SGCD: variants seen among roughly 807,000 people sequenced by gnomAD.
SGCD encodes the protein delta-sarcoglycan.
SGCD carries 18 observed loss-of-function variants against 36.6 expected under a neutral mutation model. The observed-to-expected ratio is 0.49, with a 90% confidence interval of 0.34 to 0.73. The LOEUF (loss-of-function observed/expected upper bound fraction) is 0.73, where lower values mean the gene tolerates loss of function less well. Among genes scored for constraint, SGCD ranks in the 30% least tolerant of loss-of-function variants. SGCD has a pLI of 0.01. For synonymous variants in SGCD, 133 were observed against 130.6 expected, an observed-to-expected ratio of 1.02 and a Z score of -0.12; for missense variants, 387 against 346.7, an observed-to-expected ratio of 1.12 and a Z score of -0.92.
chr5:156,592,198 A>G (rs987926145), intron 5 of SGCD, among the ~76,000 whole-genome samples: 1 of 152,004 alleles, frequency 6.6e-6, no homozygotes, highest in East Asian at 1.9e-4. Flanking sequence ...GAGAAGTCCA[A>G]GCATGTGTGT....
rs749556271 is a variant in SGCD, at chr5:156,582,821, GCA to G, written c.295-6391_295-6390del. On this transcript the variant is annotated intron_variant, in intron 4 of 8. Coordinates refer to ENST00000337851, the MANE Select transcript of SGCD (RefSeq NM_000337.6). ...TGCATGCATGCACGCATGTGCACGC[GCA>G]CACACACACACACACACAAACACAC... is the stretch of plus-strand genomic sequence containing the variant. 8.6e-3 allele frequency among the ~76,000 whole-genome samples: 1,292 copies of G among 150,462 alleles called. 22 individuals are homozygous for G. Among genetic ancestry groups the G allele is most frequent in the African/African-American group, 0.028 (1,171 of 41,216 alleles).
chr5:156,691,147 C>A (rs1353529745), intron 7 of SGCD, among the ~76,000 whole-genome samples: 1 of 141,088 alleles, frequency 7.1e-6, no homozygotes, highest in Non-Finnish European at 1.5e-5. Flanking sequence ...GTGGAGGTTG[C>A]AGTGAGCCGA....
the SGCD span, among the ~76,000 whole-genome samples, chr5:155,781,628 A>T: frequency 2.0e-5 from 3 of 151,746 alleles, no homozygotes; most frequent in Admixed American, 2.0e-4. Flanking sequence ...TGCCTGGCTA[A>T]TTTTTTTGTT....
chr5:156,505,568 T>C (rs1756659112), intron 3 of SGCD, among the ~76,000 whole-genome samples: 1 of 152,156 alleles, frequency 6.6e-6, no homozygotes, highest in South Asian at 2.1e-4. Context: ...AACTAGAGAC[T>C]GTATGGTGTG....
At chr5:156,346,956 C>T (rs993782752) in intron 3 of SGCD, among the ~76,000 whole-genome samples, 5 of 151,934 alleles carry the variant, frequency 3.3e-5, no homozygotes, top group Non-Finnish European at 7.4e-5. Context: ...CACCACCACG[C>T]CCAGCTAATT....
chr5:156,144,924 T>G (rs1762675358), intron 3 of SGCD, among the ~76,000 whole-genome samples: 1 of 152,214 alleles, frequency 6.6e-6, no homozygotes, highest in Non-Finnish European at 1.5e-5. Context: ...ACTTTTGACT[T>G]TAGAGTTAAT....
chr5:156,360,761 C>T (rs1257926384), intron 3 of SGCD, among the ~76,000 whole-genome samples: 2 of 152,106 alleles, frequency 1.3e-5, no homozygotes, highest in East Asian at 1.9e-4. Flanking sequence ...ACGACTCACC[C>T]TTCCCATCCC....
At chr5:156,301,543 C>T (rs1767054303) in intron 3 of SGCD, among the ~76,000 whole-genome samples, 1 of 151,958 alleles carries the variant, frequency 6.6e-6, no homozygotes, top group South Asian at 2.1e-4. Flanking sequence ...AGTTTAAATA[C>T]CTCAATTACA....
At chr5:155,906,013 C>T (rs1756503182) in intron 1 of SGCD, among the ~76,000 whole-genome samples, 1 of 152,114 alleles carries the variant, frequency 6.6e-6, no homozygotes, top group Non-Finnish European at 1.5e-5. Context: ...TTGCATCAAA[C>T]AAATCTGTTA....
intron 3 of SGCD, among the ~76,000 whole-genome samples, chr5:156,221,614 G>A (rs1764717475): frequency 6.6e-6 from 1 of 151,596 alleles, no homozygotes; most frequent in East Asian, 1.9e-4. Context: ...TACCTGTAGG[G>A]TAACTGTGAT....
chr5:156,023,314 AC>A (rs1759151022), intron 1 of SGCD, among the ~76,000 whole-genome samples: 1 of 147,922 alleles, frequency 6.8e-6, no homozygotes, highest in African/African-American at 2.4e-5. Context: ...CTTGTCTTCC[AC>A]ATGAAAATTG....
At chr5:156,669,683 T>C (rs1011818975) in intron 7 of SGCD, among the ~76,000 whole-genome samples, 2 of 152,170 alleles carry the variant, frequency 1.3e-5, no homozygotes, top group Non-Finnish European at 2.9e-5. Context: ...ATAATTCTTC[T>C]CCTCAGTATC....
chr5:155,803,560 C>T, the SGCD span, among the ~76,000 whole-genome samples: 1 of 152,170 alleles, frequency 6.6e-6, no homozygotes, highest in African/African-American at 2.4e-5. Context: ...GGAGATGTAA[C>T]TCTCTAAGAC....
chr5:155,976,116 T>TA (rs1238119309), intron 1 of SGCD, among the ~76,000 whole-genome samples: 1 of 152,102 alleles, frequency 6.6e-6, no homozygotes, highest in African/African-American at 2.4e-5. Flanking sequence ...AGTGAAAGCA[T>TA]AAAAAATGCT....
chr5:156,377,024 A>G (rs879006457), intron 3 of SGCD, among the ~76,000 whole-genome samples: 1 of 152,150 alleles, frequency 6.6e-6, no homozygotes, highest in Non-Finnish European at 1.5e-5. Flanking sequence ...AGTTTTTCAT[A>G]AGATATAAAT....
intron 3 of SGCD, among the ~76,000 whole-genome samples, chr5:156,206,121 A>T (rs1388773212): frequency 6.6e-6 from 1 of 151,314 alleles, no homozygotes; most frequent in African/African-American, 2.4e-5. Flanking sequence ...TGCATGATAT[A>T]TATTATTTTA....
chr5:155,868,327 C>T (rs1755565676), upstream of SGCD, among the ~76,000 whole-genome samples: 1 of 149,432 alleles, frequency 6.7e-6, no homozygotes, highest in Non-Finnish European at 1.5e-5. Context: ...GCTGGGATTA[C>T]AGGCATGAGC....
intron 1 of SGCD, among the ~76,000 whole-genome samples, chr5:155,958,361 A>G (rs1328720385): frequency 6.6e-6 from 1 of 152,088 alleles, no homozygotes; most frequent in Non-Finnish European, 1.5e-5. Context: ...CAGATGAAGA[A>G]ATTGAGGCCT....
intron 2 of SGCD, 43 bp downstream of exon 2, chr5:156,329,622 A>G (rs913116847): frequency 3.2e-6 from 5 of 1,586,800 alleles, no homozygotes; most frequent in African/African-American, 1.4e-5. Flanking sequence ...GGCCCTGCTC[A>G]TGGTCATTTT....
Sources: gnomAD v4.1 joint callset for allele counts (sites outside exome capture counted in the v4.1 genomes callset) on GRCh38, gnomAD v4.1.1 for gene constraint, MANE v1.5 for transcripts, NCBI Gene and HGNC (gene_info 2026-07-23, HGNC 2026-07-21) for gene names.